The following TEAD4 variants were observed in gnomAD, a reference collection of about 807,000 sequenced individuals.
The protein encoded by TEAD4 is transcriptional enhancer factor TEF-3.
A neutral mutation model predicts 52.4 loss-of-function variants in TEAD4; 36 were observed. The ratio of observed to expected loss-of-function variants is 0.69; its 90% CI spans 0.53 to 0.91. TEAD4 has a LOEUF of 0.91. TEAD4 is among the 40% of genes least tolerant of loss of function. The probability of loss-of-function intolerance (pLI) is 0.00; values close to 1 mark genes in which losing one functional copy is unlikely to be tolerated. For synonymous variants in TEAD4, 220 were observed against 231.0 expected, an observed-to-expected ratio of 0.95 and a Z score of 0.43; for missense variants, 508 against 583.9, an observed-to-expected ratio of 0.87 and a Z score of 1.34.
At chr12:3,030,277 T>C (rs1278490692) in intron 10 of TEAD4, among the ~76,000 whole-genome samples, 1 of 152,222 alleles carries the variant, frequency 6.6e-6, no homozygotes, top group African/African-American at 2.4e-5. Flanking sequence ...GCTTAAGCCA[T>C]TCTCCTGCCT....
chr12:3,000,064 A>T (rs7962210), intron 3 of TEAD4, among the ~76,000 whole-genome samples: 156 of 152,082 alleles, frequency 1.0e-3, no homozygotes, highest in African/African-American at 3.6e-3. Context: ...TGACCACCCC[A>T]CACTGGGCAG....
chr12:2,994,616 T>C lies in TEAD4; in HGVS notation c.-29-122T>C. 2 of 1,310,138 alleles carry C rather than the reference T, an allele frequency of 1.5e-6. No individual in the cohort carries two copies. Among genetic ancestry groups the C allele is most frequent in the Non-Finnish European group, 2.0e-6 (2 of 987,702 alleles). The allele number at this position is 1,310,138 out of a possible 1,614,324, so 81.2% of individuals were successfully genotyped here. ...CCCAGGCCTGATTCTCACAGATCTT[T>C]CACTTCACGCTTTGCTTCCTGAGCA... On this transcript the variant is annotated intron_variant, in intron 2 of 12. Coordinates refer to ENST00000359864, the MANE Select transcript of TEAD4 (RefSeq NM_003213.4). The surrounding 1 kb of genome is among the most constrained non-coding windows in gnomAD (Gnocchi z 4.7).
rs537978091 is a variant in TEAD4 at position 3,018,146 on chromosome 12, G to C, written c.484-399G>C. On this transcript the variant is annotated intron_variant, in intron 6 of 12. Coordinates refer to ENST00000359864, the MANE Select transcript of TEAD4 (RefSeq NM_003213.4). ...GTGCCAGGCCACAGCATTTTTCAAAGTGCGTCCCAGAGAGCACTAGTCCAT... is the reference window on the plus strand; with the variant it reads ...GTGCCAGGCCACAGCATTTTTCAAACTGCGTCCCAGAGAGCACTAGTCCAT... Among the ~76,000 whole-genome samples the C allele has an allele frequency of 2.0e-5, 3 of 152,316 alleles. No homozygotes were observed. In the South Asian group the frequency reaches 6.2e-4, roughly 32 times the overall value.
Position 3,011,164 on chromosome 12 carries a change from C to T in TEAD4, c.291+96C>T, listed in dbSNP as rs1469276296. The T allele has an allele frequency of 4.7e-6, 6 of 1,283,688 alleles. No individual in the cohort carries two copies. The African/African-American group carries it at 5.9e-5, about 13-fold the overall frequency. The allele number at this position is 1,283,688 out of a possible 1,614,324, so 79.5% of individuals were successfully genotyped here. On this transcript the variant is annotated intron_variant, in intron 4 of 12. Transcript: ENST00000359864. ...AGGCCCTCCCAGGACCAGACGCAGG[C>T]TTTTGAGGGGCGGCAGCTCTGGATG...
At chr12:3,033,152 G>T (rs6489421) in intron 10 of TEAD4, among the ~76,000 whole-genome samples, 13,944 of 152,194 alleles carry the variant, frequency 0.092, 671 homozygotes, top group South Asian at 0.12. Flanking sequence ...CCTTGGAGTG[G>T]GAGGAGGACT....
chr12:3,028,144 ATGT>A (rs2098273187), intron 10 of TEAD4, among the ~76,000 whole-genome samples: 1 of 152,176 alleles, frequency 6.6e-6, no homozygotes, highest in African/African-American at 2.4e-5. Context: ...AGGTTCAACC[ATGT>A]TGTAGCACGT....
At position 2,994,090 on chromosome 12, in the gene TEAD4, T is replaced by G. The variant is rs2098245274; in HGVS notation, c.-29-648T>G. Among the ~76,000 whole-genome samples the G allele has an allele frequency of 6.6e-6, 1 of 152,150 alleles. No homozygotes were observed. The highest frequency in any genetic ancestry group is 2.4e-5 in the African/African-American group (1 of 41,436). On this transcript the variant is annotated intron_variant, in intron 2 of 12. Transcript: ENST00000359864. This position sits in a 1 kb window ranked among gnomAD's most constrained non-coding sequence, Gnocchi z 4.7. ...TTTGTTTGGGTATATACCCAGGTAT[T>G]GGGTCATATGGTCTTGCTCTGTCAC...
intron 2 of TEAD4, among the ~76,000 whole-genome samples, chr12:2,975,970 A>G (rs1206941937): frequency 6.6e-6 from 1 of 151,212 alleles, no homozygotes; most frequent in South Asian, 2.1e-4. Flanking sequence ...TCACTAAGTA[A>G]TACGCATTTG....
At chr12:3,021,615 C>T (rs1392644939) in intron 9 of TEAD4, among the ~76,000 whole-genome samples, 1 of 152,184 alleles carries the variant, frequency 6.6e-6, no homozygotes, top group African/African-American at 2.4e-5. Context: ...CCGGCTCAGA[C>T]TTCTTTTTAG....
intron 2 of TEAD4, among the ~76,000 whole-genome samples, chr12:2,986,496 C>T (rs369058535): frequency 2.4e-4 from 36 of 151,650 alleles, no homozygotes; most frequent in African/African-American, 7.0e-4. Context: ...AAAAATTAGC[C>T]GGGCGTGGTG....
chr12:2,963,101 C>T (rs1258162246), intron 2 of TEAD4, among the ~76,000 whole-genome samples: 12 of 152,164 alleles, frequency 7.9e-5, no homozygotes, highest in Admixed American at 2.6e-4. Flanking sequence ...TCTGTGGAGT[C>T]GGGAAGGGGC....
intron 3 of TEAD4, among the ~76,000 whole-genome samples, chr12:2,995,352 C>T (rs1184638615): frequency 1.3e-5 from 2 of 152,130 alleles, no homozygotes; most frequent in South Asian, 2.1e-4. Flanking sequence ...GATGCTCACT[C>T]ATCCCCTCTT....
intron 9 of TEAD4, among the ~76,000 whole-genome samples, chr12:3,021,092 C>T (rs942598726): frequency 5.9e-5 from 9 of 152,098 alleles, no homozygotes; most frequent in Non-Finnish European, 1.3e-4. Context: ...CAGCCCCACC[C>T]CTACACTGTC....
intron 11 of TEAD4, 23 bp downstream of exon 11, chr12:3,038,131 G>A (rs771546712): frequency 1.9e-6 from 3 of 1,604,972 alleles, no homozygotes; most frequent in Non-Finnish European, 2.6e-6. Flanking sequence ...CCTGGCGGGT[G>A]AGGGCCGGTG....
At chr12:3,025,878 T>A (rs1331475459) in intron 10 of TEAD4, among the ~76,000 whole-genome samples, 7 of 152,294 alleles carry the variant, frequency 4.6e-5, no homozygotes, top group African/African-American at 1.7e-4. Flanking sequence ...GCATTTGTCA[T>A]TATCTTCTGA....
chr12:2,961,718 A>G (rs1454224636), intron 2 of TEAD4, among the ~76,000 whole-genome samples: 1 of 152,136 alleles, frequency 6.6e-6, no homozygotes, highest in African/African-American at 2.4e-5. Flanking sequence ...GGCACATCCC[A>G]TGGACTCCAT....
chr12:3,007,122 G>A (rs116591679), intron 3 of TEAD4, among the ~76,000 whole-genome samples: 29 of 152,336 alleles, frequency 1.9e-4, no homozygotes, highest in East Asian at 5.8e-4. Flanking sequence ...GGGCTGAGAC[G>A]GCCTTTCTAG....
chr12:3,017,490 C>A lies in TEAD4; in HGVS notation c.447C>A (p.Ala149=). The change falls in exon 6 of 13, where the codon GCC becomes GCA. Residue 149 remains alanine (A), a synonymous_variant. Coordinates refer to ENST00000359864, the MANE Select transcript of TEAD4 (RefSeq NM_003213.4). ...CCACGGCCTTCCACAGTAGCATGGC[C>A]CTCGCCCGGGGCCCCGGCCGCCCAG... is the stretch of plus-strand genomic sequence containing the variant. 2.5e-6 allele frequency: 4 copies of A among 1,614,112 alleles called. No individual in the cohort carries two copies. Among genetic ancestry groups the A allele is most frequent in the African/African-American group, 1.3e-5 (1 of 75,064 alleles).
In TEAD4 at chr12:2,982,123, C is replaced by G. The variant is rs151009609; in HGVS notation, c.-29-12615C>G. ...TTTCTCGGGGCAGGTCCTTTGCCCTCCCTGAGGCTTGGACTCTCCATTTGG... is the reference window on the plus strand; with the variant it reads ...TTTCTCGGGGCAGGTCCTTTGCCCTGCCTGAGGCTTGGACTCTCCATTTGG... On this transcript the variant is annotated intron_variant, in intron 2 of 12. Transcript: ENST00000359864. 2.0e-5 allele frequency among the ~76,000 whole-genome samples: 3 copies of G among 152,226 alleles called. No individual in the cohort carries two copies. The East Asian group carries it at 5.8e-4, about 29-fold the overall frequency.
Sources: allele counts gnomAD v4.1 joint callset (sites outside exome capture counted in the v4.1 genomes callset), GRCh38; gene constraint gnomAD v4.1.1; non-coding constraint Gnocchi (gnomAD v3.1); transcripts MANE v1.5; gene names NCBI Gene and HGNC (gene_info 2026-07-23, HGNC 2026-07-21).